SYN3: variants seen among roughly 807,000 people sequenced by gnomAD.
SYN3 encodes synapsin III.
Under a neutral mutation model 65.8 loss-of-function variants are expected in SYN3, and 35 were observed. That is an observed-to-expected ratio of 0.53 (90% CI 0.41 to 0.70). SYN3 has a LOEUF of 0.70. Among genes scored for constraint, SYN3 ranks in the 30% least tolerant of loss-of-function variants. SYN3 has a pLI of 0.00. For synonymous variants in SYN3, 270 were observed against 292.9 expected, an observed-to-expected ratio of 0.92 and a Z score of 0.80; for missense variants, 680 against 749.0, an observed-to-expected ratio of 0.91 and a Z score of 1.08.
At chr22:32,592,335 T>C (rs1201870510) in intron 7 of SYN3, among the ~76,000 whole-genome samples, 1 of 152,226 alleles carries the variant, frequency 6.6e-6, no homozygotes, top group Non-Finnish European at 1.5e-5. Flanking sequence ...CGGGGGCAGA[T>C]CATTTTCCTC....
intron 6 of SYN3, among the ~76,000 whole-genome samples, chr22:32,842,121 A>G (rs73158349): frequency 6.6e-6 from 1 of 152,074 alleles, no homozygotes; most frequent in Admixed American, 6.5e-5. Flanking sequence ...ATCTGCTGGG[A>G]TGGGAAGTGA....
intron 6 of SYN3, among the ~76,000 whole-genome samples, chr22:32,749,233 T>A (rs145340470): frequency 6.6e-6 from 1 of 152,178 alleles, no homozygotes; most frequent in Non-Finnish European, 1.5e-5. Context: ...CTGGGGTCTT[T>A]TTTACAAAGG....
At chr22:32,609,723 C>A (rs973047835) in intron 6 of SYN3, among the ~76,000 whole-genome samples, 8 of 152,026 alleles carry the variant, frequency 5.3e-5, no homozygotes, top group African/African-American at 1.9e-4. Context: ...AACTCCTAGC[C>A]TAAAGCAACC....
chr22:32,578,182 TTC>T (rs913892414), intron 7 of SYN3, among the ~76,000 whole-genome samples: 1 of 146,954 alleles, frequency 6.8e-6, no homozygotes, highest in African/African-American at 2.4e-5. Context: ...TTTTCTTTCT[TTC>T]TCTTTCTTTC....
At chr22:32,866,155 T>C (rs2048684153) in intron 5 of SYN3, among the ~76,000 whole-genome samples, 1 of 152,078 alleles carries the variant, frequency 6.6e-6, no homozygotes, top group South Asian at 2.1e-4. Flanking sequence ...CCGAACAAGA[T>C]AAAGGAATCA....
At chr22:32,918,510 T>C (rs922410462) in intron 4 of SYN3, among the ~76,000 whole-genome samples, 28 of 152,182 alleles carry the variant, frequency 1.8e-4, no homozygotes, top group Admixed American at 3.3e-4. Context: ...CAATAGCATA[T>C]CTTATATCTC....
At chr22:32,562,501 C>T (rs965197818) in intron 7 of SYN3, among the ~76,000 whole-genome samples, 7 of 152,200 alleles carry the variant, frequency 4.6e-5, no homozygotes, top group African/African-American at 1.2e-4. Context: ...AGTGACCGGC[C>T]CTGACAGAGA....
At chr22:32,645,903 G>A (rs1052637107) in intron 6 of SYN3, among the ~76,000 whole-genome samples, 1 of 151,920 alleles carries the variant, frequency 6.6e-6, no homozygotes, top group African/African-American at 2.4e-5. Flanking sequence ...ATATTTTGGG[G>A]GTTGGGGTGG....
Position 32,701,440 on chromosome 22 carries a change from G to C in SYN3, c.712-104704C>G, listed in dbSNP as rs140951773. The stretch of plus-strand genomic sequence containing the variant: ...AGAAAAATATAACCCATAACCAGGA[G>C]AAAAATGAATCAACAGAATCAGATC... On this transcript the variant is annotated intron_variant, in intron 6 of 13. Coordinates refer to ENST00000358763, the MANE Select transcript of SYN3 (RefSeq NM_003490.4). Among the ~76,000 whole-genome samples, 22 of 150,922 alleles carry C rather than the reference G, an allele frequency of 1.5e-4. 1 individual carries two copies. The East Asian group carries it at 4.3e-3, about 30-fold the overall frequency.
intron 2 of SYN3, among the ~76,000 whole-genome samples, chr22:32,998,786 A>AAAAAAAAC (rs2052966888): frequency 7.4e-6 from 1 of 135,184 alleles, no homozygotes; most frequent in African/African-American, 2.7e-5. Flanking sequence ...TAAAAAAAAA[A>AAAAAAAAC]AAAAAAAAAA....
intron 3 of SYN3, among the ~76,000 whole-genome samples, chr22:32,968,577 A>C (rs1035718426): frequency 1.3e-5 from 2 of 152,040 alleles, no homozygotes. Flanking sequence ...TTCGTCTCCC[A>C]CCAACCCTTC....
chr22:32,707,931 C>T (rs1025218556), intron 6 of SYN3, among the ~76,000 whole-genome samples: 9 of 152,150 alleles, frequency 5.9e-5, no homozygotes, highest in African/African-American at 2.2e-4. Flanking sequence ...TGTAAGAATT[C>T]AGAGGGAATT....
chr22:32,785,696 C>T (rs1379254068), intron 6 of SYN3, among the ~76,000 whole-genome samples: 2 of 152,096 alleles, frequency 1.3e-5, no homozygotes, highest in African/African-American at 2.4e-5. Context: ...TGAAGGAGAC[C>T]CTATATGCTC....
At chr22:32,835,020 T>G (rs868790627) in intron 6 of SYN3, among the ~76,000 whole-genome samples, 2 of 152,226 alleles carry the variant, frequency 1.3e-5, no homozygotes, top group South Asian at 2.1e-4. Flanking sequence ...TTGGTCTGAT[T>G]GCTGTACCCT....
chr22:32,952,144 G>C (rs962680873), intron 3 of SYN3, among the ~76,000 whole-genome samples: 1 of 152,162 alleles, frequency 6.6e-6, no homozygotes, highest in Non-Finnish European at 1.5e-5. Flanking sequence ...TCACCTAGCA[G>C]CCCATTCCAG....
chr22:32,598,720 A>C (rs1027560121), intron 6 of SYN3, among the ~76,000 whole-genome samples: 2 of 152,094 alleles, frequency 1.3e-5, no homozygotes, highest in African/African-American at 4.8e-5. Context: ...TCCTGACCTC[A>C]GGTGATCCGC....
intron 12 of SYN3, among the ~76,000 whole-genome samples, chr22:32,522,250 G>A (rs370739610): frequency 4.5e-4 from 69 of 152,260 alleles, no homozygotes; most frequent in Admixed American, 1.1e-3. Context: ...TAATCTGAGC[G>A]TTAATTCACT....
intron 4 of SYN3, chr22:32,930,968 C>T (rs2077375960): frequency 6.4e-6 from 1 of 156,316 alleles, no homozygotes; most frequent in African/African-American, 2.4e-5. Flanking sequence ...AGTTGAATTT[C>T]ATTTATTCTA....
intron 6 of SYN3, among the ~76,000 whole-genome samples, chr22:32,603,658 AT>A (rs1425190709): frequency 2.6e-5 from 4 of 152,078 alleles, no homozygotes; most frequent in Non-Finnish European, 2.9e-5. Flanking sequence ...GTCGAAGGCC[AT>A]TCCCACTTCT....
Sources: gnomAD v4.1 joint callset for allele counts (sites outside exome capture counted in the v4.1 genomes callset) on GRCh38, gnomAD v4.1.1 for gene constraint, MANE v1.5 for transcripts, NCBI Gene and HGNC (gene_info 2026-07-23, HGNC 2026-07-21) for gene names.